ANK2: variants seen among roughly 807,000 people sequenced by gnomAD.
The protein encoded by ANK2 is ankyrin-2.
Under a neutral mutation model 360.5 loss-of-function variants are expected in ANK2, and 83 were observed. The observed-to-expected ratio is 0.23, with a 90% confidence interval of 0.19 to 0.28. The LOEUF is 0.28. Ranked by LOEUF, ANK2 falls within the 10% of genes least tolerant of loss-of-function variation. ANK2 has a pLI of 1.00. For synonymous variants in ANK2, 1,740 were observed against 1,759.5 expected (o/e 0.99, Z 0.28); for missense variants, 4,201 against 4,795.7 (o/e 0.88, Z 3.66).
intron 1 of ANK2, among the ~76,000 whole-genome samples, chr4:113,081,340 T>C (rs2154347286): frequency 6.6e-6 from 1 of 152,330 alleles, no homozygotes; most frequent in African/African-American, 2.4e-5. Context: ...TCTAAGAGCT[T>C]GACTTCATTC....
chr4:113,092,679 A>G (rs2089023685), intron 1 of ANK2, among the ~76,000 whole-genome samples: 1 of 152,186 alleles, frequency 6.6e-6, no homozygotes, highest in Admixed American at 6.5e-5. Context: ...ATCTTCATTT[A>G]GTTGCCTATA....
chr4:112,784,712 G>C, the ANK2 span, among the ~76,000 whole-genome samples: 2 of 151,988 alleles, frequency 1.3e-5, no homozygotes, highest in African/African-American at 2.4e-5. Flanking sequence ...TGGGATTAGA[G>C]GCATGAGCCA....
intron 2 of ANK2, among the ~76,000 whole-genome samples, chr4:112,932,142 G>A (rs1365279045): frequency 2.0e-5 from 3 of 152,090 alleles, no homozygotes; most frequent in Non-Finnish European, 2.9e-5. Flanking sequence ...GGATCACAAG[G>A]TCAGGAGATC....
chr4:113,315,664 C>T (rs549373699), intron 24 of ANK2, among the ~76,000 whole-genome samples: 2 of 152,168 alleles, frequency 1.3e-5, no homozygotes, highest in Middle Eastern at 3.4e-3. Flanking sequence ...TTTGGGAGGC[C>T]AAGGTGGGCG....
rs1445497013 is a variant in ANK2, at chr4:113,242,096, C to T, written c.793-15C>T. 3 of 1,606,866 alleles carry T rather than the reference C, an allele frequency of 1.9e-6. No individual in the cohort carries two copies. The highest frequency in any genetic ancestry group is 2.6e-6 in the Non-Finnish European group (3 of 1,173,692). Reference sequence around the variant, plus strand: ...TCATACCCAACAGCTCTTGTTTGGTCTTTCTGTGGTGTAGAATGGAATCAC... The same window carrying T: ...TCATACCCAACAGCTCTTGTTTGGTTTTTCTGTGGTGTAGAATGGAATCAC... On this transcript the variant is annotated splice_polypyrimidine_tract_variant and intron_variant, in intron 8 of 45. Coordinates refer to ENST00000357077, the MANE Select transcript of ANK2 (RefSeq NM_001148.6).
rs1332675172 is a variant in ANK2, at chr4:113,356,223, C to T, written c.7605C>T (p.Pro2535=). The T allele has an allele frequency of 1.2e-6, 2 of 1,613,854 alleles. No homozygotes were observed. Among genetic ancestry groups the T allele is most frequent in the African/African-American group, 2.7e-5 (2 of 74,878 alleles). ...TSLMESSGKS[P]LSPDTPSSEE... ...TCATGGAGAGCTCAGGGAAGAGCCC[C>T]CTTTCTCCTGACACCCCCAGCTCTG... The change falls in exon 38 of 46, where the codon CCC becomes CCT. Residue 2535 remains proline (P), a synonymous_variant. Coordinates refer to ENST00000357077, the MANE Select transcript of ANK2 (RefSeq NM_001148.6).
intron 7 of ANK2, among the ~76,000 whole-genome samples, chr4:113,238,465 G>A (rs1285552510): frequency 1.3e-5 from 2 of 152,126 alleles, no homozygotes; most frequent in African/African-American, 2.4e-5. Flanking sequence ...AATTATTTGT[G>A]TTATTTCTTT....
intron 1 of ANK2, among the ~76,000 whole-genome samples, chr4:113,056,621 A>C (rs1224479926): frequency 6.6e-6 from 1 of 152,172 alleles, no homozygotes; most frequent in Non-Finnish European, 1.5e-5. Flanking sequence ...CAGAGATGGG[A>C]TTGCTACCCA....
the ANK2 span, among the ~76,000 whole-genome samples, chr4:112,742,123 T>A: frequency 4.0e-4 from 61 of 151,046 alleles, 1 homozygote; most frequent in Middle Eastern, 6.9e-3. Flanking sequence ...AGCCAAATTT[T>A]AAAAAAAAAT....
At chr4:113,267,238 GA>G (rs1235767924) in intron 14 of ANK2, among the ~76,000 whole-genome samples, 1 of 152,162 alleles carries the variant, frequency 6.6e-6, no homozygotes, top group Non-Finnish European at 1.5e-5. Flanking sequence ...TTGCTGTACA[GA>G]AGCTCTTTAG....
chr4:113,068,536 A>G (rs909830178), intron 1 of ANK2, among the ~76,000 whole-genome samples: 3 of 152,220 alleles, frequency 2.0e-5, no homozygotes, highest in African/African-American at 7.2e-5. Flanking sequence ...AGAAAATTGT[A>G]CAGCGAAGCA....
At chr4:113,130,014 T>A (rs1279486027) in intron 1 of ANK2, among the ~76,000 whole-genome samples, 1 of 152,228 alleles carries the variant, frequency 6.6e-6, no homozygotes, top group Admixed American at 6.5e-5. Flanking sequence ...CTTCCACTTC[T>A]TTTTGCAACT....
rs111513090 is a variant in ANK2 at position 112,879,344 on chromosome 4, G to A, written c.-39-25111G>A. On this transcript the variant is annotated intron_variant, in intron 1 of 30. Coordinates refer to the ANK2 transcript ENST00000503271. ...ACCACTAGCTCTGGAGCCAGCTGCC[G>A]TGGTGTATGACCTGCACACAGCTCT... 5.1e-3 allele frequency among the ~76,000 whole-genome samples: 772 copies of A among 152,268 alleles called. 3 individuals are homozygous for A. Among genetic ancestry groups the A allele is most frequent in the African/African-American group, 0.018 (728 of 41,554 alleles).
intron 10 of ANK2, among the ~76,000 whole-genome samples, chr4:113,251,649 A>AT (rs1264217324): frequency 6.6e-6 from 1 of 151,192 alleles, no homozygotes; most frequent in Non-Finnish European, 1.5e-5. Flanking sequence ...CGCCCAGCTA[A>AT]TTTTTTGTAT....
chr4:112,750,121 G>A, the ANK2 span, among the ~76,000 whole-genome samples: 141 of 152,076 alleles, frequency 9.3e-4, no homozygotes, highest in African/African-American at 3.3e-3. Flanking sequence ...CTGTCAGGCT[G>A]GCATGCATTG....
At chr4:112,805,571 C>A in the ANK2 span, among the ~76,000 whole-genome samples, 91 of 127,622 alleles carry the variant, frequency 7.1e-4, no homozygotes, top group African/African-American at 2.4e-3. Context: ...AGCAGATAGG[C>A]ATGCAGATTT....
intron 14 of ANK2, among the ~76,000 whole-genome samples, chr4:113,267,351 C>G (rs906425890): frequency 6.6e-6 from 1 of 152,106 alleles, no homozygotes; most frequent in Admixed American, 6.5e-5. Context: ...ATGGTATTGC[C>G]TAGTTTTCTT....
chr4:113,287,754 C>A lies in ANK2; in HGVS notation c.2178+51C>A, dbSNP rs765345201. On this transcript the variant is annotated intron_variant, in intron 19 of 45. Transcript: ENST00000357077. ...TGACAGGTTCTGGCTGGGATGATTCCCAGTAGCCCCCATTCGGGTCACCCC... is the reference window on the plus strand; with the variant it reads ...TGACAGGTTCTGGCTGGGATGATTCACAGTAGCCCCCATTCGGGTCACCCC... The A allele has an allele frequency of 3.4e-6, 5 of 1,480,166 alleles. No homozygotes were observed. The Admixed American group carries it at 8.4e-5, about 25-fold the overall frequency. The allele number at this position is 1,480,166 out of a possible 1,614,324, so 91.7% of individuals were successfully genotyped here. A position where few individuals can be genotyped will look rare whatever the true frequency, so the allele number is the denominator to read the frequency against.
At chr4:113,160,323 C>A in intron 1 of ANK2, 1 of 417,708 alleles carries the variant, frequency 2.4e-6, no homozygotes, top group Non-Finnish European at 4.7e-6. Context: ...GCTTCAGCCT[C>A]TCAAAGTGCT....
Sources: allele counts gnomAD v4.1 joint callset (sites outside exome capture counted in the v4.1 genomes callset), GRCh38; gene constraint gnomAD v4.1.1; transcripts MANE v1.5; gene names NCBI Gene and HGNC (gene_info 2026-07-23, HGNC 2026-07-21).